Variants in MALRD1 observed in about 807,000 individuals in gnomAD.
MALRD1 encodes the protein MAM and LDL-receptor class A domain-containing protein 1.
Under a neutral mutation model 242.1 loss-of-function variants are expected in MALRD1, and 247 were observed. The ratio of observed to expected loss-of-function variants is 1.02; its 90% CI spans 0.92 to 1.13. MALRD1 has a LOEUF of 1.13. Among genes scored for constraint, MALRD1 ranks in the 50% most tolerant of loss-of-function variants. MALRD1 has a pLI of 0.00. For missense variants in MALRD1, 2,989 were observed against 2,533.1 expected, an observed-to-expected ratio of 1.18 and a Z score of -3.86; for synonymous variants, 995 against 866.6, an observed-to-expected ratio of 1.15 and a Z score of -2.60.
intron 1 of MALRD1, among the ~76,000 whole-genome samples, chr10:19,055,744 G>A (rs1419016048): frequency 6.6e-6 from 1 of 152,094 alleles, no homozygotes; most frequent in African/African-American, 2.4e-5. Context: ...ACTTAATACA[G>A]GAACAGAAAA....
chr10:19,296,842 G>C (rs2484098), intron 21 of MALRD1, among the ~76,000 whole-genome samples: 67,277 of 151,466 alleles, frequency 0.44, 15,134 homozygotes, highest in South Asian at 0.56. Context: ...AAATTAGTTT[G>C]CAGTCTTTTA....
chr10:19,362,908 G>A (rs1242523535), intron 26 of MALRD1, among the ~76,000 whole-genome samples: 2 of 152,046 alleles, frequency 1.3e-5, no homozygotes, highest in Non-Finnish European at 2.9e-5. Context: ...TGAAAGACTA[G>A]ATGTGAGGTG....
chr10:19,573,195 C>T (rs1185444065), intron 33 of MALRD1, among the ~76,000 whole-genome samples: 7 of 152,134 alleles, frequency 4.6e-5, no homozygotes, highest in Admixed American at 2.6e-4. Context: ...GGCACGTGTT[C>T]CTTCTGGATC....
intron 29 of MALRD1, among the ~76,000 whole-genome samples, chr10:19,474,088 T>A (rs973257033): frequency 2.7e-5 from 4 of 145,550 alleles, no homozygotes; most frequent in Non-Finnish European, 6.0e-5. Flanking sequence ...ATTAATGATG[T>A]TGAACATCGT....
chr10:19,282,796 T>A (rs1840880862), intron 20 of MALRD1, among the ~76,000 whole-genome samples: 1 of 151,678 alleles, frequency 6.6e-6, no homozygotes, highest in African/African-American at 2.4e-5. Flanking sequence ...CATTAGTATA[T>A]GTATTTTTTC....
chr10:19,721,459 C>T (rs1834747413), intron 38 of MALRD1: 1 of 151,946 alleles, frequency 6.6e-6, no homozygotes, highest in South Asian at 2.1e-4. Flanking sequence ...ATTCTATTCC[C>T]ACCAGTGAAA....
chr10:19,057,503 A>G (rs983742313), intron 1 of MALRD1, among the ~76,000 whole-genome samples: 12 of 152,318 alleles, frequency 7.9e-5, no homozygotes, highest in Non-Finnish European at 1.2e-4. Flanking sequence ...CACATTGGGA[A>G]TTAGGGTTTT....
chr10:19,692,109 C>A (rs1004943298), intron 36 of MALRD1, among the ~76,000 whole-genome samples, 173 bp from the exon 37 acceptor site: 1 of 151,986 alleles, frequency 6.6e-6, no homozygotes, highest in Admixed American at 6.6e-5. Flanking sequence ...GAAAATAATA[C>A]AATTTAATTT....
At chr10:19,106,486 C>G (rs1302947570) in intron 5 of MALRD1, among the ~76,000 whole-genome samples, 2 of 151,540 alleles carry the variant, frequency 1.3e-5, no homozygotes, top group Non-Finnish European at 3.0e-5. Context: ...GTCATAATAG[C>G]TCCATTTTCA....
chr10:19,709,597 A>G (rs1834016647), intron 38 of MALRD1, among the ~76,000 whole-genome samples: 1 of 152,186 alleles, frequency 6.6e-6, no homozygotes, highest in South Asian at 2.1e-4. Context: ...TTTAAATAGA[A>G]TATTGAGCTT....
intron 38 of MALRD1, among the ~76,000 whole-genome samples, chr10:19,713,934 T>C (rs1834259153): frequency 1.3e-5 from 2 of 152,156 alleles, no homozygotes; most frequent in African/African-American, 4.8e-5. Context: ...GTGTGGGGCT[T>C]GCTCCGTCGA....
At chr10:19,571,966 C>T (rs1332492868) in intron 33 of MALRD1, among the ~76,000 whole-genome samples, 1 of 152,162 alleles carries the variant, frequency 6.6e-6, no homozygotes, top group African/African-American at 2.4e-5. Context: ...ATTTCAACCT[C>T]GTATTAGGTG....
chr10:19,443,883 T>C (rs1352564092), intron 28 of MALRD1, among the ~76,000 whole-genome samples: 2 of 152,212 alleles, frequency 1.3e-5, no homozygotes, highest in African/African-American at 4.8e-5. Context: ...CCTTGTTAAC[T>C]TTCTGTCTCG....
intron 18 of MALRD1, among the ~76,000 whole-genome samples, chr10:19,214,354 A>G (rs1228565878): frequency 6.6e-6 from 1 of 152,116 alleles, no homozygotes; most frequent in Non-Finnish European, 1.5e-5. Context: ...CGTCTTGCAA[A>G]CTTTTGTGGC....
intron 29 of MALRD1, among the ~76,000 whole-genome samples, chr10:19,454,431 T>TATATATATATATATATATATATA (rs1011890675): frequency 7.3e-6 from 1 of 136,712 alleles, no homozygotes; most frequent in Non-Finnish European, 1.6e-5. Flanking sequence ...TATATATATA[T>TATATATATATATATATATATATA]AATTATATGA....
chr10:19,588,149 A>C (rs1431660330), intron 33 of MALRD1, among the ~76,000 whole-genome samples: 1 of 152,008 alleles, frequency 6.6e-6, no homozygotes, highest in Non-Finnish European at 1.5e-5. Context: ...TATATTCGAA[A>C]ATTTTTTTTT....
intron 36 of MALRD1, among the ~76,000 whole-genome samples, chr10:19,656,982 G>A (rs1264560634): frequency 2.0e-5 from 3 of 152,136 alleles, no homozygotes; most frequent in Non-Finnish European, 4.4e-5. Flanking sequence ...CTAAATCAAT[G>A]TATTGCACCA....
At chr10:19,238,498 A>AATATAATATATAATATACATTAT (rs1838562495) in intron 18 of MALRD1, among the ~76,000 whole-genome samples, 1 of 7,156 alleles carries the variant, frequency 1.4e-4, no homozygotes, top group East Asian at 3.5e-3. Flanking sequence ...TATAATATAT[A>AATATAATATATAATATACATTAT]ATATAATATA....
chr10:19,199,550 C>T (rs1836427566), intron 14 of MALRD1, among the ~76,000 whole-genome samples: 1 of 152,134 alleles, frequency 6.6e-6, no homozygotes, highest in Non-Finnish European at 1.5e-5. Flanking sequence ...CCTGTAATCT[C>T]AGTACTTTGA....
Sources: gnomAD v4.1 joint callset for allele counts (sites outside exome capture counted in the v4.1 genomes callset) on GRCh38, gnomAD v4.1.1 for gene constraint, MANE v1.5 for transcripts, NCBI Gene and HGNC (gene_info 2026-07-23, HGNC 2026-07-21) for gene names.